The following EPHA6 variants were observed in gnomAD, a reference collection of about 807,000 sequenced individuals.
EPHA6 encodes the protein EPH receptor A6.
A neutral mutation model predicts 112.0 loss-of-function variants in EPHA6; 50 were observed. The observed-to-expected ratio is 0.45, with a 90% CI of 0.36 to 0.56. EPHA6 has a LOEUF of 0.56. Ranked by LOEUF, EPHA6 falls within the 20% of genes least tolerant of loss-of-function variation. The pLI, the probability that EPHA6 is intolerant of heterozygous loss-of-function variation, is 0.00. For synonymous variants in EPHA6, 529 were observed against 490.7 expected (o/e 1.08, Z -1.03); for missense variants, 1,280 against 1,417.4 (o/e 0.90, Z 1.56).
chr3:97,698,636 A>C (rs1441826206), intron 14 of EPHA6, among the ~76,000 whole-genome samples: 1 of 152,188 alleles, frequency 6.6e-6, no homozygotes, highest in Non-Finnish European at 1.5e-5. Flanking sequence ...ATTTTGACAA[A>C]AGGAGAGCAG....
chr3:97,323,388 C>T (rs2082213945), intron 5 of EPHA6, among the ~76,000 whole-genome samples: 3 of 151,194 alleles, frequency 2.0e-5, no homozygotes, highest in South Asian at 2.1e-4. Flanking sequence ...ACTATTAAAC[C>T]GATGTGAGTT....
At chr3:97,248,935 A>C (rs758970227) in intron 5 of EPHA6, among the ~76,000 whole-genome samples, 17 of 151,824 alleles carry the variant, frequency 1.1e-4, no homozygotes, top group Non-Finnish European at 2.5e-4. Flanking sequence ...TTGTCTTTAT[A>C]TTTGCATTTT....
intron 11 of EPHA6, among the ~76,000 whole-genome samples, chr3:97,569,123 C>A (rs562194023): frequency 3.3e-4 from 50 of 152,220 alleles, no homozygotes; most frequent in African/African-American, 1.2e-3. Context: ...GGCTTGGGAG[C>A]CTACTAAAGT....
At chr3:97,084,025 T>G (rs944175677) in intron 3 of EPHA6, among the ~76,000 whole-genome samples, 1 of 149,452 alleles carries the variant, frequency 6.7e-6, no homozygotes, top group Admixed American at 6.7e-5. Flanking sequence ...CTTAAAATGC[T>G]TCTTCAAAGG....
chr3:97,271,141 G>T (rs2079864685), intron 5 of EPHA6, among the ~76,000 whole-genome samples: 1 of 152,232 alleles, frequency 6.6e-6, no homozygotes, highest in Non-Finnish European at 1.5e-5. Flanking sequence ...AAAAGGGGAT[G>T]CTGTAATTAC....
chr3:97,256,494 AT>A (rs2079318946), intron 5 of EPHA6, among the ~76,000 whole-genome samples: 1 of 152,068 alleles, frequency 6.6e-6, no homozygotes, highest in South Asian at 2.1e-4. Flanking sequence ...AAGACTAATT[AT>A]GTTTAGGATT....
chr3:97,598,912 T>G (rs1374256218), intron 12 of EPHA6, among the ~76,000 whole-genome samples: 2 of 150,122 alleles, frequency 1.3e-5, no homozygotes, highest in East Asian at 4.0e-4. Flanking sequence ...TTTCTCCACA[T>G]CCTCTCCAGC....
At chr3:96,876,928 ATT>A (rs1559793042) in intron 2 of EPHA6, among the ~76,000 whole-genome samples, 6 of 152,062 alleles carry the variant, frequency 3.9e-5, no homozygotes, top group Admixed American at 2.0e-4. Context: ...ATATCATAGC[ATT>A]TATCTCACAA....
At chr3:97,577,022 A>G (rs1030187481) in intron 11 of EPHA6, among the ~76,000 whole-genome samples, 67 of 152,168 alleles carry the variant, frequency 4.4e-4, no homozygotes, top group African/African-American at 1.6e-3. Context: ...TTTCTTTTCC[A>G]TTTATTTATT....
At chr3:97,043,479 G>A (rs537972908) in intron 3 of EPHA6, among the ~76,000 whole-genome samples, 2 of 149,266 alleles carry the variant, frequency 1.3e-5, no homozygotes, top group Admixed American at 6.6e-5. Flanking sequence ...CAAGAATAAG[G>A]GCATTTTCTA....
At chr3:96,927,282 T>G (rs1405733988) in intron 2 of EPHA6, among the ~76,000 whole-genome samples, 1 of 152,102 alleles carries the variant, frequency 6.6e-6, no homozygotes, top group East Asian at 1.9e-4. Context: ...CAGGAAACCA[T>G]TTTTCCCTTC....
chr3:96,972,908 A>T (rs1200741184), intron 2 of EPHA6, among the ~76,000 whole-genome samples: 1 of 152,194 alleles, frequency 6.6e-6, no homozygotes, highest in East Asian at 1.9e-4. Flanking sequence ...AAGAAGATAT[A>T]AATTTGAGAG....
intron 3 of EPHA6, among the ~76,000 whole-genome samples, chr3:97,198,917 G>A (rs2077509883): frequency 6.6e-6 from 1 of 151,992 alleles, no homozygotes; most frequent in African/African-American, 2.4e-5. Flanking sequence ...GATTCAGAAG[G>A]GCATGGCATT....
At chr3:97,266,866 A>G (rs2079703520) in intron 5 of EPHA6, among the ~76,000 whole-genome samples, 1 of 152,140 alleles carries the variant, frequency 6.6e-6, no homozygotes, top group Non-Finnish European at 1.5e-5. Context: ...GCATTTTACT[A>G]GAAGTTTCCA....
At chr3:97,099,987 A>T (rs1462246887) in intron 3 of EPHA6, among the ~76,000 whole-genome samples, 1 of 152,016 alleles carries the variant, frequency 6.6e-6, no homozygotes, top group Non-Finnish European at 1.5e-5. Flanking sequence ...TTAAAAACAA[A>T]GGAGTGTCTC....
chr3:97,447,987 A>C (rs1454149626), intron 6 of EPHA6, among the ~76,000 whole-genome samples: 2 of 152,270 alleles, frequency 1.3e-5, no homozygotes, highest in East Asian at 3.9e-4. Context: ...AAAATTCATT[A>C]TTTTATTTCC....
chr3:97,683,102 A>T (rs2031986419), intron 14 of EPHA6, among the ~76,000 whole-genome samples: 1 of 152,098 alleles, frequency 6.6e-6, no homozygotes, highest in East Asian at 1.9e-4. Context: ...CCTCTAGAAA[A>T]CTTTGTTTCT....
chr3:97,567,699 A>G (rs574790282), intron 11 of EPHA6, among the ~76,000 whole-genome samples: 1 of 152,316 alleles, frequency 6.6e-6, no homozygotes, highest in Admixed American at 6.5e-5. Context: ...TGAATTATCC[A>G]CAATACAAGG....
At chr3:97,199,550 T>C (rs549471827) in intron 3 of EPHA6, among the ~76,000 whole-genome samples, 1 of 152,280 alleles carries the variant, frequency 6.6e-6, no homozygotes, top group Admixed American at 6.5e-5. Context: ...AAGACAGCAT[T>C]TCCTGACCGA....
Sources: allele counts gnomAD v4.1 joint callset (sites outside exome capture counted in the v4.1 genomes callset), GRCh38; gene constraint gnomAD v4.1.1; transcripts MANE v1.5; gene names NCBI Gene and HGNC (gene_info 2026-07-23, HGNC 2026-07-21).